The following MUC20 variants were observed in gnomAD, a reference collection of about 807,000 sequenced individuals.
MUC20 encodes mucin 20, cell surface associated.
In MUC20, 14 loss-of-function variants were observed where a neutral mutation model predicts 23.8. That is an observed-to-expected ratio of 0.59 (90% CI 0.39 to 0.92). MUC20 has a LOEUF of 0.92. Ranked by LOEUF, MUC20 falls within the 40% of genes least tolerant of loss-of-function variation. MUC20 has a pLI of 0.00. For missense variants in MUC20, 375 were observed against 668.8 expected (o/e 0.56, Z 4.85); for synonymous variants, 166 against 279.3 (o/e 0.59, Z 4.04).
In MUC20 at chr3:195,728,795, G is replaced by A. The variant is rs528818213; in HGVS notation, c.1970-853G>A. Among the ~76,000 whole-genome samples the A allele has an allele frequency of 1.1e-4, 17 of 152,240 alleles. No individual in the cohort carries two copies. In the East Asian group the frequency reaches 1.7e-3, roughly 16 times the overall value. On this transcript the variant is annotated intron_variant, in intron 2 of 3. Transcript: ENST00000447234. ...TGCTTTCAAGGGCAGAGGTCCCTGC[G>A]GCTTTCCACAGTGCATTGTGCCCCT...
Position 195,733,302 on chromosome 3 carries a change from C to G in MUC20, c.*84C>G. 2 of 1,548,040 alleles carry G rather than the reference C, an allele frequency of 1.3e-6. No individual in the cohort carries two copies. Among genetic ancestry groups the G allele is most frequent in the Non-Finnish European group, 8.7e-7 (1 of 1,145,070 alleles). On this transcript the variant is annotated 3_prime_UTR_variant, in exon 4 of 4. Coordinates refer to ENST00000447234, the MANE Select transcript of MUC20 (RefSeq NM_001282506.2). Reference sequence around the variant, plus strand: ...CTGGGCCCCCACCGACAGACTGCAGCTGCGTTACTGTGCTGAGAGGTACCC... The same window carrying G: ...CTGGGCCCCCACCGACAGACTGCAGGTGCGTTACTGTGCTGAGAGGTACCC...
chr3:195,728,749 G>A (rs1468006565), intron 2 of MUC20, among the ~76,000 whole-genome samples: 4 of 152,130 alleles, frequency 2.6e-5, no homozygotes, highest in Non-Finnish European at 4.4e-5. Flanking sequence ...TATACATGGG[G>A]AGAAAGCTTG....
Position 195,725,938 on chromosome 3 carries a change from C to T in MUC20, c.1335C>T (p.Ile445=), listed in dbSNP as rs1712579049. ...SIPGASDTDL[I]PTEGVKASST... ...CTGGGGCCTCAGACACAGATCTCAT[C>T]CCCACGGAAGGGGTGAAGGCCTCGT... The change falls in exon 2 of 4, where the codon ATC becomes ATT. Residue 445 remains isoleucine (I), a synonymous_variant. Coordinates refer to ENST00000447234, the MANE Select transcript of MUC20 (RefSeq NM_001282506.2). 6 of 1,613,654 alleles carry T rather than the reference C, an allele frequency of 3.7e-6. No homozygotes were observed. The South Asian group carries it at 4.4e-5, about 12-fold the overall frequency.
At chr3:195,732,341 TCTTTCTC>T (rs1351355349) in intron 3 of MUC20, among the ~76,000 whole-genome samples, 1 of 47,570 alleles carries the variant, frequency 2.1e-5, no homozygotes, top group African/African-American at 5.0e-5. Context: ...TTTTTCTTTT[TCTTTCTC>T]TTTTTCTTTT....
rs780564191 is a variant in MUC20, at chr3:195,726,415, G to T, written c.1812G>T (p.Arg604Ser). The T allele has an allele frequency of 6.2e-7, 1 of 1,614,014 alleles. No individual in the cohort carries two copies. Among genetic ancestry groups the T allele is most frequent in the Admixed American group, 1.7e-5 (1 of 60,034 alleles). ...IATKGPFPTS[R>S]DPLPSVPPTT... ...CCAAGGGGCCCTTCCCCACCAGCAG[G>T]GACCCTCTTCCTTCTGTCCCTCCGA... The change falls in exon 2 of 4, where the codon AGG (arginine) becomes AGT (serine). Residue 604 changes from arginine (R) to serine (S), a missense_variant. Arg to Ser is a moderately radical substitution (Grantham distance 110, BLOSUM62 -1). Coordinates refer to ENST00000447234, the MANE Select transcript of MUC20 (RefSeq NM_001282506.2).
intron 3 of MUC20, 106 bp from the exon 4 acceptor site, chr3:195,733,044 C>A: frequency 8.0e-7 from 1 of 1,257,156 alleles, no homozygotes; most frequent in Non-Finnish European, 1.1e-6. Flanking sequence ...GGAAGGGTTG[C>A]CGTCCTCCGC....
chr3:195,726,869 T>C (rs985031058), intron 2 of MUC20, among the ~76,000 whole-genome samples: 2 of 152,388 alleles, frequency 1.3e-5, no homozygotes, highest in East Asian at 3.9e-4. Flanking sequence ...GGCCTCAGTT[T>C]CTCCACCTGT....
rs369043659 is a variant in MUC20 at position 195,725,961 on chromosome 3, C to G, written c.1358C>G (p.Ser453Trp). Reference protein sequence around the residue: ...DLIPTEGVKASSTSDPPALPD... With the variant: ...DLIPTEGVKAWSTSDPPALPD... ...ATCCCCACGGAAGGGGTGAAGGCCT[C>G]GTCCACCTCCGATCCACCAGCTCTG... The change falls in exon 2 of 4, where the codon TCG becomes TGG. Residue 453 changes from serine (S) to tryptophan (W), a missense_variant. This residue lies in a region of MUC20 where 343 missense variants were observed against 340.2 expected (regional missense o/e 1.01). Transcript: ENST00000447234. 7.4e-6 allele frequency: 12 copies of G among 1,613,764 alleles called. No homozygotes were observed. Among genetic ancestry groups the G allele is most frequent in the Admixed American group, 1.7e-5 (1 of 60,002 alleles).
intron 2 of MUC20, among the ~76,000 whole-genome samples, chr3:195,728,751 G>A (rs1401890174): frequency 6.6e-6 from 1 of 152,100 alleles, no homozygotes; most frequent in Non-Finnish European, 1.5e-5. Context: ...TACATGGGGA[G>A]AAAGCTTGGA....
chr3:195,722,305 C>T, intron 1 of MUC20: 1 of 984,964 alleles, frequency 1.0e-6, no homozygotes, highest in Non-Finnish European at 1.2e-6. Flanking sequence ...TGACTCCTCA[C>T]AGGCCTGAGC....
At chr3:195,730,649 C>T (rs1288778244) in intron 3 of MUC20, among the ~76,000 whole-genome samples, 1 of 152,210 alleles carries the variant, frequency 6.6e-6, no homozygotes, top group Non-Finnish European at 1.5e-5. Flanking sequence ...CGCACCCGGC[C>T]CCCTCTCCCC....
intron 2 of MUC20, among the ~76,000 whole-genome samples, chr3:195,728,867 G>A (rs1451090957): frequency 2.0e-5 from 3 of 152,198 alleles, no homozygotes; most frequent in African/African-American, 7.2e-5. Context: ...CAAGTATACT[G>A]CTTGTAAACA....
intron 2 of MUC20, among the ~76,000 whole-genome samples, chr3:195,728,428 G>A (rs556430548): frequency 7.5e-4 from 114 of 152,372 alleles, no homozygotes; most frequent in South Asian, 6.0e-3. Flanking sequence ...TGTGCACGTA[G>A]GCCAGATTTA....
At chr3:195,727,284 C>T (rs1363759404) in intron 2 of MUC20, among the ~76,000 whole-genome samples, 1 of 152,208 alleles carries the variant, frequency 6.6e-6, no homozygotes, top group Non-Finnish European at 1.5e-5. Flanking sequence ...CCTGTAATCC[C>T]AGCTACTTGG....
chr3:195,726,083 G>C lies in MUC20; in HGVS notation c.1480G>C (p.Ala494Pro). The C allele has an allele frequency of 6.2e-7, 1 of 1,612,424 alleles. No individual in the cohort carries two copies. Among genetic ancestry groups the C allele is most frequent in the Non-Finnish European group, 8.5e-7 (1 of 1,178,564 alleles). Residue 494 changes from alanine to proline, a missense_variant, in exon 2 of 4, where the codon GCC becomes CCC. Physicochemically the swap from Ala to Pro is conservative, Grantham distance 27 (BLOSUM62 -1). Coordinates refer to ENST00000447234, the MANE Select transcript of MUC20 (RefSeq NM_001282506.2). ...CACCACAGAGTCAGCTGCACCTGAT[G>C]CCACGGTTGGGACCCCACTCCCCAC... Reference protein sequence around the residue: ...AGTTESAAPDATVGTPLPTNS... With the variant: ...AGTTESAAPDPTVGTPLPTNS...
At chr3:195,728,423 A>T (rs1285233746) in intron 2 of MUC20, among the ~76,000 whole-genome samples, 1 of 152,294 alleles carries the variant, frequency 6.6e-6, no homozygotes, top group East Asian at 1.9e-4. Flanking sequence ...CTGGATGTGC[A>T]CGTAGGCCAG....
At chr3:195,727,708 GC>G (rs1278159314) in intron 2 of MUC20, among the ~76,000 whole-genome samples, 1 of 152,282 alleles carries the variant, frequency 6.6e-6, no homozygotes, top group Non-Finnish European at 1.5e-5. Flanking sequence ...GTAAGCACTG[GC>G]CCCAGCAGAA....
intron 3 of MUC20, among the ~76,000 whole-genome samples, chr3:195,730,997 T>C (rs1713331765): frequency 1.3e-5 from 2 of 152,230 alleles, no homozygotes; most frequent in Non-Finnish European, 2.9e-5. Flanking sequence ...AGGGGTGGGT[T>C]GTTCTCCTAA....
chr3:195,733,325 C>G lies in MUC20; in HGVS notation c.*107C>G. On this transcript the variant is annotated 3_prime_UTR_variant, in exon 4 of 4. Coordinates refer to ENST00000447234, the MANE Select transcript of MUC20 (RefSeq NM_001282506.2). ...AGCTGCGTTACTGTGCTGAGAGGTA[C>G]CCAGAAGGTTCCCATGAAGGGCAGC... 2 of 1,524,548 alleles carry G rather than the reference C, an allele frequency of 1.3e-6. No homozygotes were observed. Among genetic ancestry groups the G allele is most frequent in the African/African-American group, 2.8e-5 (2 of 72,638 alleles). 94.4% of individuals were successfully genotyped at this position (1,524,548 alleles called of 1,614,324 possible). A position where few individuals can be genotyped will look rare whatever the true frequency, so the allele number is the denominator to read the frequency against.
Sources: allele counts gnomAD v4.1 joint callset (sites outside exome capture counted in the v4.1 genomes callset), GRCh38; gene constraint gnomAD v4.1.1; regional missense constraint gnomAD v4.1.1; transcripts MANE v1.5; gene names NCBI Gene and HGNC (gene_info 2026-07-23, HGNC 2026-07-21).